Variants in TAF4B observed in about 807,000 individuals in gnomAD.
TAF4B encodes TATA-box binding protein associated factor 4b.
TAF4B carries 38 observed loss-of-function variants against 86.4 expected under a neutral mutation model. The ratio of observed to expected loss-of-function variants is 0.44; its 90% CI spans 0.34 to 0.58. The LOEUF (loss-of-function observed/expected upper bound fraction) is 0.58, where lower values mean the gene tolerates loss of function less well. Among genes scored for constraint, TAF4B ranks in the 20% least tolerant of loss-of-function variants. The pLI, the probability that TAF4B is intolerant of heterozygous loss-of-function variation, is 0.02. For synonymous variants in TAF4B, 388 were observed against 391.2 expected, an observed-to-expected ratio of 0.99 and a Z score of 0.10; for missense variants, 988 against 1,027.6, an observed-to-expected ratio of 0.96 and a Z score of 0.53.
intron 14 of TAF4B, among the ~76,000 whole-genome samples, chr18:26,368,262 G>T (rs1342548626): frequency 6.6e-6 from 1 of 152,012 alleles, no homozygotes. Flanking sequence ...TACCATATTT[G>T]CTAGTTTTCA....
intron 7 of TAF4B, among the ~76,000 whole-genome samples, chr18:26,290,116 A>C (rs1318142977): frequency 6.6e-6 from 1 of 152,054 alleles, no homozygotes; most frequent in Non-Finnish European, 1.5e-5. Flanking sequence ...GTATTCGGGG[A>C]GGTAAAGGAA....
chr18:26,328,784 G>A (rs970898562), intron 12 of TAF4B, among the ~76,000 whole-genome samples: 5 of 151,364 alleles, frequency 3.3e-5, no homozygotes, highest in African/African-American at 1.2e-4. Context: ...CACGCCCGGC[G>A]AATTTTTTGT....
At chr18:26,249,750 ATTCT>A (rs1392156226) in intron 1 of TAF4B, among the ~76,000 whole-genome samples, 3 of 152,074 alleles carry the variant, frequency 2.0e-5, no homozygotes, top group Non-Finnish European at 4.4e-5. Context: ...ACAAAGTCTC[ATTCT>A]TTCTTTCGCC....
chr18:26,349,063 A>G (rs1310562598), intron 13 of TAF4B: 1 of 152,212 alleles, frequency 6.6e-6, no homozygotes, highest in Non-Finnish European at 1.5e-5. Flanking sequence ...CCTTGACCCA[A>G]GGATCAAAAC....
At chr18:26,258,899 T>C (rs2056123615) in intron 1 of TAF4B, among the ~76,000 whole-genome samples, 1 of 151,644 alleles carries the variant, frequency 6.6e-6, no homozygotes, top group African/African-American at 2.4e-5. Context: ...GGGTCTTGCT[T>C]TGTTGTCCAG....
At chr18:26,314,574 A>G (rs898785012) in intron 9 of TAF4B, among the ~76,000 whole-genome samples, 1 of 152,222 alleles carries the variant, frequency 6.6e-6, no homozygotes, top group South Asian at 2.1e-4. Flanking sequence ...TTCAGTTGGT[A>G]TAGATGGAGC....
At chr18:26,244,330 G>GTGCTA (rs1408633009) in intron 1 of TAF4B, among the ~76,000 whole-genome samples, 1 of 152,248 alleles carries the variant, frequency 6.6e-6, no homozygotes. Context: ...TCAGACTGCT[G>GTGCTA]TGCTAGCAGT....
intron 12 of TAF4B, among the ~76,000 whole-genome samples, chr18:26,330,807 T>C (rs755305436): frequency 2.6e-5 from 4 of 152,210 alleles, no homozygotes; most frequent in Non-Finnish European, 4.4e-5. Flanking sequence ...GTTCCCATTA[T>C]CCTTGATATA....
At chr18:26,241,453 C>T (rs2055837309) in intron 1 of TAF4B, among the ~76,000 whole-genome samples, 1 of 152,092 alleles carries the variant, frequency 6.6e-6, no homozygotes, top group South Asian at 2.1e-4. Flanking sequence ...TTTTTTATTG[C>T]ATCTATTTGA....
At chr18:26,343,965 G>C (rs1338492673) in intron 13 of TAF4B, among the ~76,000 whole-genome samples, 1 of 152,134 alleles carries the variant, frequency 6.6e-6, no homozygotes, top group Non-Finnish European at 1.5e-5. Flanking sequence ...AGATAACATA[G>C]ATGTTGGAAT....
intron 10 of TAF4B, among the ~76,000 whole-genome samples, chr18:26,319,337 C>CA (rs1307835866): frequency 3.2e-4 from 48 of 149,986 alleles, no homozygotes; most frequent in Middle Eastern, 3.4e-3. Flanking sequence ...ACTAAAAATA[C>CA]AAAAAAAAAT....
At chr18:26,284,134 A>G (rs1209887881) in intron 6 of TAF4B, among the ~76,000 whole-genome samples, 1 of 151,990 alleles carries the variant, frequency 6.6e-6, no homozygotes, top group African/African-American at 2.4e-5. Context: ...TTTACCTTGC[A>G]CTTTTATGTT....
intron 2 of TAF4B, among the ~76,000 whole-genome samples, chr18:26,265,796 A>G (rs146655673): frequency 6.6e-6 from 1 of 152,158 alleles, no homozygotes; most frequent in Non-Finnish European, 1.5e-5. Context: ...TGGGCTCATG[A>G]CAGTCCTCTT....
At chr18:26,380,059 T>C (rs910439985) in intron 14 of TAF4B, among the ~76,000 whole-genome samples, 1 of 152,176 alleles carries the variant, frequency 6.6e-6, no homozygotes, top group East Asian at 1.9e-4. Flanking sequence ...TTGGAATAAA[T>C]GTCTTAGGAT....
rs1381788673 is a variant in TAF4B, at chr18:26,321,121, C to T, written c.2054C>T (p.Ser685Phe). 1 of 1,613,856 alleles carries T rather than the reference C, an allele frequency of 6.2e-7. No individual in the cohort carries two copies. The change falls in exon 11 of 15, where the codon TCC becomes TTC. Residue 685 changes from serine (S) to phenylalanine (F), a missense_variant. By Grantham distance (155) the Ser-to-Phe change is radical (BLOSUM62 -2). Transcript: ENST00000269142. ...ELNSDAVNLISQATQERLRGL... is the reference protein window; with the variant it reads ...ELNSDAVNLIFQATQERLRGL... ...AACTCTGATGCTGTGAACTTGATCT[C>T]CCAAGCAACACAGGAACGACTACGA...
intron 13 of TAF4B, 61 bp downstream of exon 13, chr18:26,335,292 C>A: frequency 1.4e-6 from 2 of 1,438,072 alleles, no homozygotes; most frequent in Non-Finnish European, 2.0e-6. Flanking sequence ...CAGCTCTCTC[C>A]TGGCAATTAG....
At position 26,389,931 on chromosome 18, in the gene TAF4B, C is replaced by T. The variant is rs1978607189; in HGVS notation, c.2508C>T (p.Cys836=). ...ATCGTCCAAGAATCACGAGAATCTG[C>T]CTCAGGGACTTGATATTTTGTATGG... is the stretch of plus-strand genomic sequence containing the variant. ...QLHRPRITRI[C]LRDLIFCMEQ... is the part of the protein sequence containing the mutation. The change falls in exon 15 of 15, where the codon TGC becomes TGT. Residue 836 remains cysteine, a synonymous_variant. Coordinates refer to ENST00000269142, the MANE Select transcript of TAF4B (RefSeq NM_005640.3). 6.2e-7 allele frequency: 1 copy of T among 1,614,124 alleles called. No individual in the cohort carries two copies. Among genetic ancestry groups the T allele is most frequent in the Non-Finnish European group, 8.5e-7 (1 of 1,179,996 alleles).
At chr18:26,248,981 G>A (rs1183034053) in intron 1 of TAF4B, among the ~76,000 whole-genome samples, 1 of 151,368 alleles carries the variant, frequency 6.6e-6, no homozygotes, top group African/African-American at 2.4e-5. Context: ...AGACCATCCT[G>A]GCCAACATGG....
intron 9 of TAF4B, among the ~76,000 whole-genome samples, chr18:26,296,878 G>A (rs1192293084): frequency 6.6e-6 from 1 of 151,324 alleles, no homozygotes; most frequent in Non-Finnish European, 1.5e-5. Flanking sequence ...AGTGGCTCAT[G>A]CCTGTAATCC....
Sources: gnomAD v4.1 joint callset for allele counts (sites outside exome capture counted in the v4.1 genomes callset) on GRCh38, gnomAD v4.1.1 for gene constraint, MANE v1.5 for transcripts, NCBI Gene and HGNC (gene_info 2026-07-23, HGNC 2026-07-21) for gene names.